The following MYO1D variants were observed in gnomAD, a reference collection of about 807,000 sequenced individuals.
MYO1D encodes the protein unconventional myosin-Id.
A neutral mutation model predicts 122.0 loss-of-function variants in MYO1D; 83 were observed. That is an observed-to-expected ratio of 0.68 (90% CI 0.57 to 0.82). The LOEUF (loss-of-function observed/expected upper bound fraction) is 0.82. MYO1D is among the 40% of genes least tolerant of loss of function. The probability of loss-of-function intolerance (pLI) is 0.00; values close to 1 mark genes in which losing one functional copy is unlikely to be tolerated. For missense variants in MYO1D, 1,157 were observed against 1,269.5 expected, an observed-to-expected ratio of 0.91 and a Z score of 1.35; for synonymous variants, 464 against 446.9, an observed-to-expected ratio of 1.04 and a Z score of -0.48.
chr17:32,573,773 C>A (rs2087252022), intron 21 of MYO1D, among the ~76,000 whole-genome samples: 1 of 152,228 alleles, frequency 6.6e-6, no homozygotes, highest in Admixed American at 6.5e-5. Context: ...CATCCTTCCA[C>A]CTCAGTCTCC....
At chr17:32,661,669 A>AC (rs1394057400) in intron 16 of MYO1D, among the ~76,000 whole-genome samples, 3 of 149,066 alleles carry the variant, frequency 2.0e-5, no homozygotes, top group African/African-American at 5.0e-5. Flanking sequence ...AAAAAAAAAT[A>AC]CCCCCCCAAA....
chr17:32,866,896 G>C (rs970493495), intron 1 of MYO1D, among the ~76,000 whole-genome samples: 11 of 152,274 alleles, frequency 7.2e-5, no homozygotes, highest in Middle Eastern at 3.4e-3. Flanking sequence ...AGGGTCTGCT[G>C]ACATTCTACC....
In MYO1D at chr17:32,877,009, G is replaced by T; in HGVS notation, c.-137C>A. 2.9e-6 allele frequency: 1 copy of T among 341,128 alleles called. No homozygotes were observed. Among genetic ancestry groups the T allele is most frequent in the Non-Finnish European group, 4.9e-6 (1 of 206,064 alleles). The allele number at this position is 341,128 out of a possible 1,614,324, so 21.1% of individuals were successfully genotyped here. ...AGGGGGCGCGCACGCCGCTCGGCGG[G>T]TCCGGGCCGGACAGAGGCCGCCTCG... On this transcript the variant is annotated 5_prime_UTR_variant, in exon 1 of 22. Transcript: ENST00000318217.
At chr17:32,606,355 C>G (rs1163904248) in intron 20 of MYO1D, among the ~76,000 whole-genome samples, 1 of 152,134 alleles carries the variant, frequency 6.6e-6, no homozygotes, top group Non-Finnish European at 1.5e-5. Context: ...CACTTTGAAG[C>G]TGGCATTATT....
chr17:32,617,522 C>T (rs1418364751), intron 20 of MYO1D, among the ~76,000 whole-genome samples: 3 of 152,120 alleles, frequency 2.0e-5, no homozygotes, highest in East Asian at 1.9e-4. Context: ...CTCACTGCAA[C>T]CTCTGCCTCC....
intron 19 of MYO1D, among the ~76,000 whole-genome samples, chr17:32,639,587 G>C (rs1028475414): frequency 1.3e-5 from 2 of 151,974 alleles, no homozygotes; most frequent in Non-Finnish European, 2.9e-5. Flanking sequence ...CCAAGATAGT[G>C]TGTAGTGGCT....
At chr17:32,720,388 T>C (rs2089496440) in intron 15 of MYO1D, among the ~76,000 whole-genome samples, 1 of 152,180 alleles carries the variant, frequency 6.6e-6, no homozygotes, top group Admixed American at 6.5e-5. Context: ...AGGTAGTTAT[T>C]ATTATTATCC....
chr17:32,877,065 G>A lies in MYO1D; in HGVS notation c.-193C>T. The A allele has an allele frequency of 4.4e-6, 1 of 226,980 alleles. No homozygotes were observed. Among genetic ancestry groups the A allele is most frequent in the Non-Finnish European group, 8.5e-6 (1 of 118,342 alleles). 14.1% of individuals were successfully genotyped at this position (226,980 alleles called of 1,614,324 possible). A position where few individuals can be genotyped will look rare whatever the true frequency, so the allele number is the denominator to read the frequency against. ...CCTCGGCGCCTTCTCGGCCGGCGCG[G>A]CTCCGAACGGGACGCACCCGACAGT... On this transcript the variant is annotated 5_prime_UTR_variant, in exon 1 of 22. Coordinates refer to ENST00000318217, the MANE Select transcript of MYO1D (RefSeq NM_015194.3).
At chr17:32,601,378 G>A (rs904995214) in intron 21 of MYO1D, among the ~76,000 whole-genome samples, 2 of 152,138 alleles carry the variant, frequency 1.3e-5, no homozygotes, top group African/African-American at 4.8e-5. Context: ...GAGAGGAAGA[G>A]AGATGAGGGA....
At chr17:32,874,686 G>A (rs2091213948) in intron 1 of MYO1D, among the ~76,000 whole-genome samples, 1 of 152,130 alleles carries the variant, frequency 6.6e-6, no homozygotes, top group African/African-American at 2.4e-5. Flanking sequence ...GCTTTGGGAG[G>A]CCAAGATGGG....
intron 8 of MYO1D, among the ~76,000 whole-genome samples, chr17:32,763,540 A>G (rs967984899): frequency 1.3e-5 from 2 of 152,196 alleles, no homozygotes; most frequent in Non-Finnish European, 2.9e-5. Context: ...CAAAAATATG[A>G]TAAGATGCTC....
chr17:32,673,141 G>A (rs953751926), intron 16 of MYO1D, among the ~76,000 whole-genome samples: 7 of 82,390 alleles, frequency 8.5e-5, no homozygotes, highest in Admixed American at 4.1e-4. Context: ...ACAGAGACTT[G>A]CTCTGTTGCC....
intron 20 of MYO1D, among the ~76,000 whole-genome samples, chr17:32,623,048 C>G (rs2087873281): frequency 6.6e-6 from 1 of 152,086 alleles, no homozygotes; most frequent in Non-Finnish European, 1.5e-5. Context: ...GAAAGGCTAT[C>G]AGAGGGGATG....
At chr17:32,557,122 AT>A (rs11376885) in intron 21 of MYO1D, among the ~76,000 whole-genome samples, 87 of 145,602 alleles carry the variant, frequency 6.0e-4, no homozygotes, top group East Asian at 4.6e-3. Context: ...TAGTTTATCC[AT>A]TTTTTTTTTT....
chr17:32,723,149 T>C (rs1795088720), intron 14 of MYO1D, among the ~76,000 whole-genome samples: 2 of 152,318 alleles, frequency 1.3e-5, no homozygotes, highest in Middle Eastern at 3.4e-3. Context: ...CAGAAGCTCC[T>C]GCGCTTGGAC....
chr17:32,824,454 T>C (rs754472439), intron 1 of MYO1D, among the ~76,000 whole-genome samples: 27 of 152,244 alleles, frequency 1.8e-4, no homozygotes, highest in Non-Finnish European at 3.1e-4. Context: ...ATCCTAGTTA[T>C]AGTACCCATA....
At chr17:32,795,906 C>G (rs978320175) in intron 1 of MYO1D, among the ~76,000 whole-genome samples, 1 of 151,704 alleles carries the variant, frequency 6.6e-6, no homozygotes, top group Admixed American at 6.6e-5. Flanking sequence ...TAGGCCTCAG[C>G]CCGCCTGCAC....
intron 4 of MYO1D, among the ~76,000 whole-genome samples, chr17:32,773,565 C>T (rs1162717111): frequency 1.3e-5 from 2 of 150,384 alleles, no homozygotes; most frequent in African/African-American, 4.9e-5. Context: ...TGTCTCTACC[C>T]TCTCTTTTCT....
intron 21 of MYO1D, among the ~76,000 whole-genome samples, chr17:32,538,453 T>A (rs1299463091): frequency 6.9e-6 from 1 of 144,912 alleles, no homozygotes; most frequent in Non-Finnish European, 1.5e-5. Flanking sequence ...CCTGGATAAT[T>A]ATTATTATTA....
Sources: gnomAD v4.1 joint callset for allele counts (sites outside exome capture counted in the v4.1 genomes callset) on GRCh38, gnomAD v4.1.1 for gene constraint, MANE v1.5 for transcripts, NCBI Gene and HGNC (gene_info 2026-07-23, HGNC 2026-07-21) for gene names.